SDK1: variants seen among roughly 807,000 people sequenced by gnomAD.
The protein encoded by SDK1 is protein sidekick-1.
Under a neutral mutation model 245.5 loss-of-function variants are expected in SDK1, and 157 were observed. The ratio of observed to expected loss-of-function variants is 0.64; its 90% CI spans 0.56 to 0.73. The LOEUF (loss-of-function observed/expected upper bound fraction) is 0.73, where lower values mean the gene tolerates loss of function less well. SDK1 is among the 30% of genes least tolerant of loss of function. The pLI is 0.00. For missense variants in SDK1, 3,583 were observed against 3,002.3 expected, an observed-to-expected ratio of 1.19 and a Z score of -4.52; for synonymous variants, 1,647 against 1,278.5, an observed-to-expected ratio of 1.29 and a Z score of -6.15.
intron 1 of SDK1, among the ~76,000 whole-genome samples, chr7:3,384,731 A>C (rs1160485537): frequency 6.6e-6 from 1 of 152,232 alleles, no homozygotes; most frequent in Non-Finnish European, 1.5e-5. Context: ...CTGCACTTAC[A>C]CCTACGTGTA....
chr7:3,302,035 C>A (rs1779281113), intron 1 of SDK1, 151 bp downstream of exon 1: 1 of 444,932 alleles, frequency 2.2e-6, no homozygotes, highest in Non-Finnish European at 3.1e-6. Flanking sequence ...AGGGGCTCCT[C>A]CACGCCAGAC....
intron 4 of SDK1, among the ~76,000 whole-genome samples, chr7:3,797,097 C>G (rs1778979094): frequency 1.3e-5 from 2 of 151,678 alleles, no homozygotes; most frequent in African/African-American, 4.8e-5. Flanking sequence ...GCCTTGACCT[C>G]CTGGCCTCAA....
At chr7:4,212,074 C>T (rs1784542137) in intron 38 of SDK1, among the ~76,000 whole-genome samples, 1 of 152,210 alleles carries the variant, frequency 6.6e-6, no homozygotes, top group South Asian at 2.1e-4. Flanking sequence ...AAGTTTCCCC[C>T]TGTAATATAC....
intron 5 of SDK1, among the ~76,000 whole-genome samples, chr7:3,864,351 G>C (rs1436488665): frequency 6.6e-6 from 1 of 152,086 alleles, no homozygotes; most frequent in Non-Finnish European, 1.5e-5. Flanking sequence ...TTTTAATGGG[G>C]CTTTGGGAGG....
intron 1 of SDK1, among the ~76,000 whole-genome samples, chr7:3,534,471 A>AT (rs1778811476): frequency 6.6e-6 from 1 of 152,164 alleles, no homozygotes; most frequent in Non-Finnish European, 1.5e-5. Context: ...ACCATTTTCC[A>AT]TAACGGTTGT....
intron 1 of SDK1, among the ~76,000 whole-genome samples, chr7:3,607,053 C>A (rs955343917): frequency 2.6e-5 from 4 of 152,098 alleles, no homozygotes; most frequent in African/African-American, 9.7e-5. Context: ...GATGCACCTT[C>A]AACTTCTCTC....
chr7:3,861,491 C>T (rs1186321979), intron 5 of SDK1, among the ~76,000 whole-genome samples: 2 of 151,992 alleles, frequency 1.3e-5, no homozygotes, highest in Non-Finnish European at 2.9e-5. Context: ...TTTCCACTGA[C>T]CCCCTGCTGC....
At chr7:3,498,389 T>C (rs910265569) in intron 1 of SDK1, among the ~76,000 whole-genome samples, 1 of 152,214 alleles carries the variant, frequency 6.6e-6, no homozygotes, top group African/African-American at 2.4e-5. Flanking sequence ...CGTGAGCTCA[T>C]TACCTGACCT....
chr7:3,865,774 A>C (rs546147142), intron 5 of SDK1, among the ~76,000 whole-genome samples: 1 of 151,962 alleles, frequency 6.6e-6, no homozygotes, highest in Admixed American at 6.6e-5. Context: ...CTGGGATTAC[A>C]GGCATGAGCC....
At chr7:3,328,171 G>A (rs1241405226) in intron 1 of SDK1, among the ~76,000 whole-genome samples, 1 of 152,136 alleles carries the variant, frequency 6.6e-6, no homozygotes, top group Non-Finnish European at 1.5e-5. Context: ...TATTATAACT[G>A]TTGAACAAAG....
intron 5 of SDK1, among the ~76,000 whole-genome samples, chr7:3,849,178 C>A (rs1374795545): frequency 6.6e-6 from 1 of 152,194 alleles, no homozygotes; most frequent in African/African-American, 2.4e-5. Context: ...CTGGACTGTT[C>A]TTGAACAAAT....
chr7:3,405,167 AAAAC>A (rs1402944955), intron 1 of SDK1, among the ~76,000 whole-genome samples: 39 of 143,420 alleles, frequency 2.7e-4, no homozygotes, highest in Non-Finnish European at 3.7e-4. Context: ...ACCAAAAAAA[AAAAC>A]AAAAACAAAA....
chr7:3,303,929 A>G (rs1779348406), intron 1 of SDK1, among the ~76,000 whole-genome samples: 1 of 152,198 alleles, frequency 6.6e-6, no homozygotes, highest in Non-Finnish European at 1.5e-5. Flanking sequence ...GTAACATTCT[A>G]AATGGAATAG....
rs1189662655 is a variant in SDK1 at position 3,509,563 on chromosome 7, C to T, written c.299-109517C>T. Among the ~76,000 whole-genome samples the T allele has an allele frequency of 2.6e-5, 4 of 152,128 alleles. No individual in the cohort carries two copies. The East Asian group carries it at 5.8e-4, about 22-fold the overall frequency. On this transcript the variant is annotated intron_variant, in intron 1 of 44. Coordinates refer to ENST00000404826, the MANE Select transcript of SDK1 (RefSeq NM_152744.4). The stretch of plus-strand genomic sequence containing the variant: ...GTTGTGTTACCTCCATTTTACAGTT[C>T]CCAAAGTGAGACCCAAATAGCTGAG...
At chr7:3,438,344 A>G (rs1780090910) in intron 1 of SDK1, among the ~76,000 whole-genome samples, 1 of 152,240 alleles carries the variant, frequency 6.6e-6, no homozygotes, top group Non-Finnish European at 1.5e-5. Context: ...ATGTGAAGAC[A>G]GAGAAAATAG....
intron 4 of SDK1, among the ~76,000 whole-genome samples, chr7:3,745,061 A>G (rs1272244496): frequency 6.6e-6 from 1 of 152,072 alleles, no homozygotes; most frequent in East Asian, 1.9e-4. Context: ...TATTGTCTCA[A>G]ATGAAAAACT....
At position 3,499,902 on chromosome 7, in the gene SDK1, A is replaced by T. The variant is rs574209647; in HGVS notation, c.299-119178A>T. Among the ~76,000 whole-genome samples, 28 of 152,322 alleles carry T rather than the reference A, an allele frequency of 1.8e-4. No homozygotes were observed. The South Asian group carries it at 5.8e-3, about 32-fold the overall frequency. ...GAAGTATGTTTGTAAGTTCACTATG[A>T]GTAGATCAAAGTGGGCCATTATAGG... is the stretch of plus-strand genomic sequence containing the variant. On this transcript the variant is annotated intron_variant, in intron 1 of 44. Transcript: ENST00000404826.
At chr7:4,212,857 C>T (rs1025062152) in intron 38 of SDK1, among the ~76,000 whole-genome samples, 7 of 152,164 alleles carry the variant, frequency 4.6e-5, no homozygotes, top group Non-Finnish European at 1.0e-4. Context: ...CTCAGGTTTT[C>T]CCATTCTTCC....
intron 5 of SDK1, among the ~76,000 whole-genome samples, chr7:3,935,809 G>A (rs918258868): frequency 1.5e-4 from 23 of 152,222 alleles, no homozygotes; most frequent in Admixed American, 6.5e-5. Context: ...GTATGACGAA[G>A]TAGCCTTTGG....
Sources: gnomAD v4.1 joint callset for allele counts (sites outside exome capture counted in the v4.1 genomes callset) on GRCh38, gnomAD v4.1.1 for gene constraint, MANE v1.5 for transcripts, NCBI Gene and HGNC (gene_info 2026-07-23, HGNC 2026-07-21) for gene names.